PTPRM: variants seen among roughly 807,000 people sequenced by gnomAD.
The protein encoded by PTPRM is receptor-type tyrosine-protein phosphatase mu.
A neutral mutation model predicts 186.7 loss-of-function variants in PTPRM; 47 were observed. That is an observed-to-expected ratio of 0.25 (90% CI 0.20 to 0.32). The LOEUF is 0.32. Among genes scored for constraint, PTPRM ranks in the 10% least tolerant of loss-of-function variants. The pLI is 1.00. For synonymous variants in PTPRM, 668 were observed against 674.9 expected (o/e 0.99, Z 0.16); for missense variants, 1,494 against 1,865.0 (o/e 0.80, Z 3.66).
intron 14 of PTPRM, among the ~76,000 whole-genome samples, chr18:8,201,823 G>A (rs560642586): frequency 6.6e-6 from 1 of 152,222 alleles, no homozygotes; most frequent in East Asian, 1.9e-4. Flanking sequence ...ATAGGGATTC[G>A]ACATATGAAT....
At chr18:8,330,003 A>G (rs1316788328) in intron 22 of PTPRM, among the ~76,000 whole-genome samples, 3 of 152,120 alleles carry the variant, frequency 2.0e-5, no homozygotes, top group South Asian at 2.1e-4. Context: ...GGGTTTTGCT[A>G]TGTTGCTCAG....
intron 1 of PTPRM, among the ~76,000 whole-genome samples, chr18:7,759,588 C>G (rs73393534): frequency 0.043 from 6,573 of 152,060 alleles, 456 homozygotes; most frequent in African/African-American, 0.15. Context: ...TATTTTCCAC[C>G]CACTTTTCAT....
At chr18:8,349,619 A>G (rs1230786743) in intron 23 of PTPRM, among the ~76,000 whole-genome samples, 2 of 152,178 alleles carry the variant, frequency 1.3e-5, no homozygotes, top group African/African-American at 4.8e-5. Flanking sequence ...CTCATTGGCC[A>G]TCTCTACCTC....
chr18:8,286,440 G>C lies in PTPRM; in HGVS notation c.2755-9928G>C, dbSNP rs146573430. Among the ~76,000 whole-genome samples the C allele has an allele frequency of 8.3e-3, 1,270 of 152,298 alleles. 11 individuals carry two copies. Among genetic ancestry groups the C allele is most frequent in the Admixed American group, 0.013 (204 of 15,292 alleles). ...CACGTGGAAACTTCCGCCATGCTGGGATTTCTGCTCCATACCAGTGCAGGC... is the reference window on the plus strand; with the variant it reads ...CACGTGGAAACTTCCGCCATGCTGGCATTTCTGCTCCATACCAGTGCAGGC... On this transcript the variant is annotated intron_variant, in intron 19 of 32. Transcript: ENST00000580170.
rs907316488 is a variant in PTPRM, at chr18:7,809,716, G to T, written c.196+35445G>T. Among the ~76,000 whole-genome samples the T allele has an allele frequency of 4.6e-5, 7 of 152,112 alleles. 1 individual carries two copies. Among genetic ancestry groups the T allele is most frequent in the Non-Finnish European group, 8.8e-5 (6 of 68,020 alleles). On this transcript the variant is annotated intron_variant, in intron 2 of 32. Coordinates refer to ENST00000580170, the MANE Select transcript of PTPRM (RefSeq NM_001105244.2). ...AACACCCACCCTGTTGTGATTAAAT[G>T]CTCTGGATACCTGAGCCCCTTTCGG...
At chr18:7,791,565 T>C (rs1051796360) in intron 2 of PTPRM, among the ~76,000 whole-genome samples, 2 of 152,188 alleles carry the variant, frequency 1.3e-5, no homozygotes, top group Non-Finnish European at 1.5e-5. Context: ...CTGGAGGATC[T>C]GTGTGGAGGT....
intron 1 of PTPRM, among the ~76,000 whole-genome samples, chr18:7,755,884 A>G (rs556498742): frequency 6.6e-6 from 1 of 152,322 alleles, no homozygotes; most frequent in Admixed American, 6.5e-5. Context: ...TTTCAACACA[A>G]AACTTGTTCT....
intron 7 of PTPRM, among the ~76,000 whole-genome samples, chr18:8,051,374 T>G (rs2087486847): frequency 1.3e-5 from 2 of 152,208 alleles, no homozygotes; most frequent in African/African-American, 4.8e-5. Flanking sequence ...AATAATCAAC[T>G]TCCCATCTTA....
intron 14 of PTPRM, among the ~76,000 whole-genome samples, chr18:8,187,566 A>C (rs1180936398): frequency 6.6e-6 from 1 of 152,218 alleles, no homozygotes; most frequent in Non-Finnish European, 1.5e-5. Context: ...TTTGTGTTCA[A>C]AGTGCTCTCT....
intron 1 of PTPRM, among the ~76,000 whole-genome samples, chr18:7,569,400 C>T (rs1216874620): frequency 6.6e-6 from 1 of 152,174 alleles, no homozygotes; most frequent in Non-Finnish European, 1.5e-5. Context: ...ATTGCACGTG[C>T]TCCAGAGGAT....
chr18:7,615,981 C>T (rs1193188658), intron 1 of PTPRM, among the ~76,000 whole-genome samples: 1 of 152,106 alleles, frequency 6.6e-6, no homozygotes, highest in Non-Finnish European at 1.5e-5. Flanking sequence ...CTATGAGAAT[C>T]TGACACTGCT....
chr18:8,219,058 G>A (rs1203577403), intron 14 of PTPRM, among the ~76,000 whole-genome samples: 1 of 152,188 alleles, frequency 6.6e-6, no homozygotes, highest in Non-Finnish European at 1.5e-5. Flanking sequence ...TCCAGTGAAG[G>A]CATTGTTTCT....
At chr18:8,263,603 C>G (rs1211896314) in intron 19 of PTPRM, among the ~76,000 whole-genome samples, 2 of 152,142 alleles carry the variant, frequency 1.3e-5, no homozygotes, top group Non-Finnish European at 2.9e-5. Context: ...GAGCCCTTAG[C>G]TAGCCTCAGG....
intron 2 of PTPRM, among the ~76,000 whole-genome samples, chr18:7,852,799 G>T (rs1296957358): frequency 6.6e-6 from 1 of 152,172 alleles, no homozygotes; most frequent in Non-Finnish European, 1.5e-5. Context: ...GGGAGTTCGA[G>T]GCTGCACTGA....
Position 8,240,788 on chromosome 18 carries a change from GAGAGAGAGAGA to G in PTPRM, c.2301-3269_2301-3259del, listed in dbSNP as rs1568584682. 3.5e-3 allele frequency among the ~76,000 whole-genome samples: 267 copies of G among 75,236 alleles called. 9 individuals are homozygous for G. Among genetic ancestry groups the G allele is most frequent in the African/African-American group, 0.012 (240 of 20,624 alleles). The allele number at this position is 75,236 out of a possible 152,430, so 49.4% of individuals were successfully genotyped here. ...AGGGAGAGAGAGAGGGAGAGAGAGA[GAGAGAGAGAGA>G]GAGAGAGAGAGAGAGAGAGAGAGAG... On this transcript the variant is annotated intron_variant, in intron 14 of 32. Coordinates refer to ENST00000580170, the MANE Select transcript of PTPRM (RefSeq NM_001105244.2).
chr18:8,082,816 A>G (rs1027557730), intron 9 of PTPRM, among the ~76,000 whole-genome samples: 2 of 151,800 alleles, frequency 1.3e-5, no homozygotes, highest in Admixed American at 6.6e-5. Context: ...CATGTCATAC[A>G]TGTGTGTCCA....
intron 11 of PTPRM, among the ~76,000 whole-genome samples, chr18:8,106,242 A>G (rs879503722): frequency 2.5e-4 from 38 of 152,144 alleles, no homozygotes; most frequent in Admixed American, 2.0e-3. Flanking sequence ...ATTGTCTTCC[A>G]TCTTCTGTGC....
At chr18:8,257,862 C>A (rs1262196742) in intron 19 of PTPRM, among the ~76,000 whole-genome samples, 1 of 152,156 alleles carries the variant, frequency 6.6e-6, no homozygotes, top group African/African-American at 2.4e-5. Flanking sequence ...ACAGCAGTGT[C>A]TCAAAATTGG....
chr18:7,989,604 T>G (rs1421786293), intron 7 of PTPRM, among the ~76,000 whole-genome samples: 1 of 152,194 alleles, frequency 6.6e-6, no homozygotes, highest in Non-Finnish European at 1.5e-5. Context: ...TTCATCCTGC[T>G]AGATAACCTC....
Sources: gnomAD v4.1 joint callset for allele counts (sites outside exome capture counted in the v4.1 genomes callset) on GRCh38, gnomAD v4.1.1 for gene constraint, MANE v1.5 for transcripts, NCBI Gene and HGNC (gene_info 2026-07-23, HGNC 2026-07-21) for gene names.